Variants in MAML2 observed in about 807,000 individuals in gnomAD.
MAML2 encodes mastermind like transcriptional coactivator 2, also known as mastermind-like protein 2.
A neutral mutation model predicts 96.1 loss-of-function variants in MAML2; 22 were observed. That is an observed-to-expected ratio of 0.23 (90% confidence interval 0.16 to 0.33). The LOEUF (loss-of-function observed/expected upper bound fraction) is 0.33. MAML2 is among the 10% of genes least tolerant of loss of function. The pLI is 1.00. For missense variants in MAML2, 1,367 were observed against 1,392.4 expected, an observed-to-expected ratio of 0.98 and a Z score of 0.29; for synonymous variants, 561 against 521.3, an observed-to-expected ratio of 1.08 and a Z score of -1.04.
chr11:96,092,669 C>T lies in MAML2; in HGVS notation c.1362G>A (p.Gln454=), dbSNP rs1202066681. Residue 454 remains glutamine (Q), a synonymous_variant, in exon 2 of 5, where the codon CAG becomes CAA. Transcript: ENST00000524717. The surrounding 1 kb of genome is among the most constrained non-coding windows in gnomAD (Gnocchi z 4.1). ...CTGACCAGTTGGTAGGCTGGTGCTG[C>T]TGCTGGTGCTGCTGCATCCGGGCAT... ...QQHARMQQHQ[Q]QHQPTNWSAL... 1.2e-6 allele frequency: 2 copies of T among 1,613,066 alleles called. No individual in the cohort carries two copies. The highest frequency in any genetic ancestry group is 1.1e-5 in the South Asian group (1 of 91,066).
rs75026833 is a variant in MAML2 at position 96,085,597 on chromosome 11, C to T, written c.2139+6295G>A. On this transcript the variant is annotated intron_variant, in intron 2 of 4. Coordinates refer to ENST00000524717, the MANE Select transcript of MAML2 (RefSeq NM_032427.4). ...TCCATTAACCCTCTTGCATTTCCAT[C>T]TCCAGGTTCAAATCTATTTCTTAAC... Among the ~76,000 whole-genome samples, 557 of 152,326 alleles carry T rather than the reference C, an allele frequency of 3.7e-3. 4 individuals are homozygous for T. Among genetic ancestry groups the T allele is most frequent in the African/African-American group, 0.012 (515 of 41,568 alleles).
At chr11:95,997,126 A>T (rs779469549) in intron 2 of MAML2, among the ~76,000 whole-genome samples, 4 of 152,180 alleles carry the variant, frequency 2.6e-5, no homozygotes, top group Non-Finnish European at 5.9e-5. Context: ...ATGAACTTGC[A>T]TGATCTTTCA....
At chr11:96,086,625 T>G (rs1356463964) in intron 2 of MAML2, among the ~76,000 whole-genome samples, 1 of 152,214 alleles carries the variant, frequency 6.6e-6, no homozygotes, top group Non-Finnish European at 1.5e-5. Flanking sequence ...AATTTTACAC[T>G]TCCATTACTG....
chr11:95,980,620 AC>A (rs1247494446), intron 4 of MAML2, among the ~76,000 whole-genome samples: 1 of 152,162 alleles, frequency 6.6e-6, no homozygotes, highest in Non-Finnish European at 1.5e-5. Context: ...ACTGTGAGCC[AC>A]CTTTGCTTAT....
At chr11:96,300,873 T>A (rs1038221679) in intron 1 of MAML2, among the ~76,000 whole-genome samples, 1 of 152,154 alleles carries the variant, frequency 6.6e-6, no homozygotes, top group African/African-American at 2.4e-5. Context: ...TGGAATTAGG[T>A]CCTGGATTGG....
chr11:96,071,133 A>G (rs1459735012), intron 2 of MAML2, among the ~76,000 whole-genome samples: 4 of 152,264 alleles, frequency 2.6e-5, no homozygotes, highest in African/African-American at 4.8e-5. Flanking sequence ...TTATTTAGGC[A>G]TATATGCAGA....
intron 1 of MAML2, among the ~76,000 whole-genome samples, chr11:96,128,022 T>C (rs1487428749): frequency 6.6e-6 from 1 of 152,178 alleles, no homozygotes; most frequent in Non-Finnish European, 1.5e-5. Context: ...GATATCTTGT[T>C]ACCATGTAGA....
rs1207802255 is a variant in MAML2, at chr11:96,092,246, CTGCTGT to C, written c.1779_1784del (p.Gln620_Gln621del). ...GCTGCTGCTGCTGCTGCTGCTGCTG[CTGCTGT>C]TGCTGCTGTTGCTGTTGGGTGTAGT... On this transcript the variant is annotated inframe_deletion, in exon 2 of 5. Coordinates refer to ENST00000524717, the MANE Select transcript of MAML2 (RefSeq NM_032427.4). This position sits in a 1 kb window ranked among gnomAD's most constrained non-coding sequence, Gnocchi z 4.1. The C allele has an allele frequency of 3.9e-6, 6 of 1,543,154 alleles. No homozygotes were observed. Among genetic ancestry groups the C allele is most frequent in the African/African-American group, 1.4e-5 (1 of 71,014 alleles).
At chr11:96,040,978 T>C (rs1333097298) in intron 2 of MAML2, among the ~76,000 whole-genome samples, 4 of 152,214 alleles carry the variant, frequency 2.6e-5, no homozygotes, top group African/African-American at 7.2e-5. Context: ...CGTTGTTGCA[T>C]GTAGTTGTAG....
intron 2 of MAML2, among the ~76,000 whole-genome samples, chr11:96,033,623 T>G (rs986696849): frequency 6.6e-6 from 1 of 152,220 alleles, no homozygotes; most frequent in East Asian, 1.9e-4. Context: ...AATTTTGTTT[T>G]GGATGGTGCA....
At chr11:96,282,141 C>T (rs143863147) in intron 1 of MAML2, among the ~76,000 whole-genome samples, 8,564 of 151,394 alleles carry the variant, frequency 0.057, 306 homozygotes, top group South Asian at 0.18. Flanking sequence ...CCAAGCTACT[C>T]GGGAGGCTGA....
chr11:96,342,255 GGTT>G lies in MAML2; in HGVS notation c.-363_-361del. ...GTACTTTGTAAACACACGATCTGGG[GGTT>G]AGATCAAGAATTCAGGGATTGTCCA... On this transcript the variant is annotated 5_prime_UTR_variant, in exon 1 of 5. Coordinates refer to ENST00000524717, the MANE Select transcript of MAML2 (RefSeq NM_032427.4). 1 of 438,770 alleles carries G rather than the reference GGTT, an allele frequency of 2.3e-6. No individual in the cohort carries two copies. Among genetic ancestry groups the G allele is most frequent in the Non-Finnish European group, 4.0e-6 (1 of 248,740 alleles). The allele number at this position is 438,770 out of a possible 1,614,324, so 27.2% of individuals were successfully genotyped here.
At chr11:96,084,970 T>G (rs1343722034) in intron 2 of MAML2, among the ~76,000 whole-genome samples, 3 of 152,186 alleles carry the variant, frequency 2.0e-5, no homozygotes, top group Non-Finnish European at 2.9e-5. Context: ...CCCCTGTTCT[T>G]TCATCATCGA....
At chr11:96,132,067 C>T (rs1292225253) in intron 1 of MAML2, among the ~76,000 whole-genome samples, 1 of 152,072 alleles carries the variant, frequency 6.6e-6, no homozygotes, top group Non-Finnish European at 1.5e-5. Flanking sequence ...TAAAAATTTC[C>T]TAGTGGGCAA....
At chr11:96,272,361 C>T (rs1339574414) in intron 1 of MAML2, among the ~76,000 whole-genome samples, 1 of 152,218 alleles carries the variant, frequency 6.6e-6, no homozygotes, top group East Asian at 1.9e-4. Flanking sequence ...TCTTGGTTTA[C>T]ACGCCTCTTC....
intron 4 of MAML2, among the ~76,000 whole-genome samples, chr11:95,982,766 G>C (rs967135787): frequency 2.0e-5 from 3 of 152,146 alleles, no homozygotes; most frequent in East Asian, 3.9e-4. Flanking sequence ...ACAATGTTTG[G>C]TCAATGAAGG....
chr11:96,330,197 G>C (rs1863834831), intron 1 of MAML2, among the ~76,000 whole-genome samples: 1 of 152,224 alleles, frequency 6.6e-6, no homozygotes, highest in Non-Finnish European at 1.5e-5. Context: ...AAGCCTAGGA[G>C]AATGTTGATG....
chr11:96,136,277 A>G (rs759848498), intron 1 of MAML2, among the ~76,000 whole-genome samples: 3 of 149,966 alleles, frequency 2.0e-5, no homozygotes, highest in African/African-American at 7.6e-5. Flanking sequence ...AATTGCTTCA[A>G]TTTGCCACTT....
intron 1 of MAML2, among the ~76,000 whole-genome samples, chr11:96,249,313 T>C (rs1490013978): frequency 1.3e-5 from 2 of 152,184 alleles, no homozygotes; most frequent in African/African-American, 4.8e-5. Context: ...GCCTCTTCTT[T>C]TCTTTAGCTA....
Sources: allele counts gnomAD v4.1 joint callset (sites outside exome capture counted in the v4.1 genomes callset), GRCh38; gene constraint gnomAD v4.1.1; non-coding constraint Gnocchi (gnomAD v3.1); transcripts MANE v1.5; gene names NCBI Gene and HGNC (gene_info 2026-07-23, HGNC 2026-07-21).